MECOM: variants seen among roughly 807,000 people sequenced by gnomAD.
MECOM encodes MDS1 and EVI1 complex locus.
In MECOM, 13 loss-of-function variants were observed where a neutral mutation model predicts 116.3. That is an observed-to-expected ratio of 0.11 (90% CI 0.07 to 0.18). The LOEUF (loss-of-function observed/expected upper bound fraction) is 0.18, where lower values mean the gene tolerates loss of function less well. Among genes scored for constraint, MECOM ranks in the 10% least tolerant of loss-of-function variants. The pLI is 1.00. For synonymous variants in MECOM, 528 were observed against 535.2 expected, an observed-to-expected ratio of 0.99 and a Z score of 0.19; for missense variants, 1,299 against 1,509.0, an observed-to-expected ratio of 0.86 and a Z score of 2.31.
chr3:169,619,259 T>C (rs967335336), intron 1 of MECOM, among the ~76,000 whole-genome samples: 1 of 152,204 alleles, frequency 6.6e-6, no homozygotes, highest in African/African-American at 2.4e-5. Context: ...AGTGCCGCTG[T>C]GCTGAGAAGG....
intron 1 of MECOM, among the ~76,000 whole-genome samples, chr3:169,583,854 C>G (rs1447948442): frequency 1.3e-5 from 2 of 151,658 alleles, no homozygotes; most frequent in Non-Finnish European, 2.9e-5. Flanking sequence ...ATTCTCCTGC[C>G]TTGGCTTCCC....
chr3:169,262,589 T>C (rs1757697238), intron 2 of MECOM, among the ~76,000 whole-genome samples: 1 of 152,160 alleles, frequency 6.6e-6, no homozygotes, highest in African/African-American at 2.4e-5. Flanking sequence ...CTTTAGAGTC[T>C]GTGATTCTTC....
chr3:169,147,735 C>A, intron 2 of MECOM: 2 of 739,388 alleles, frequency 2.7e-6, no homozygotes, highest in South Asian at 1.2e-4. Context: ...TGTGTGTGTG[C>A]GCGCGAGTGT....
chr3:169,477,103 GTGTATATATATA>G (rs749799776), intron 1 of MECOM: 137 of 56,252 alleles, frequency 2.4e-3, no homozygotes, highest in Non-Finnish European at 3.1e-3. Flanking sequence ...GTGTGTGTGT[GTGTATATATATA>G]TATATATATA....
chr3:169,433,639 GAGAAAGAAAGAAAGAA>G lies in MECOM; in HGVS notation c.38-52131_38-52116del, dbSNP rs748166969. ...GAAGGAGAAAAGAAAGAAAGAGAAA[GAGAAAGAAAGAAAGAA>G]AGAAAGAAAGAAAGAAAGAAAGAAA... On this transcript the variant is annotated intron_variant, in intron 1 of 16. Transcript: ENST00000651503. Among the ~76,000 whole-genome samples the G allele has an allele frequency of 8.9e-3, 1,127 of 127,042 alleles. 12 individuals carry two copies. The highest frequency in any genetic ancestry group is 0.018 in the Admixed American group (219 of 12,452). The allele number at this position is 127,042 out of a possible 152,430, so 83.3% of individuals were successfully genotyped here.
chr3:169,587,332 T>A (rs1395867540), intron 1 of MECOM, among the ~76,000 whole-genome samples: 7 of 152,106 alleles, frequency 4.6e-5, no homozygotes, highest in Non-Finnish European at 1.0e-4. Flanking sequence ...ACAATGAGTT[T>A]TAAGAGAACA....
At chr3:169,137,817 C>G (rs537718923) in intron 3 of MECOM, among the ~76,000 whole-genome samples, 1 of 152,002 alleles carries the variant, frequency 6.6e-6, no homozygotes, top group Non-Finnish European at 1.5e-5. Context: ...TGCATAAATA[C>G]GGCAATTGAT....
intron 1 of MECOM, among the ~76,000 whole-genome samples, chr3:169,530,198 G>T (rs951241983): frequency 1.3e-5 from 2 of 152,212 alleles, no homozygotes; most frequent in Non-Finnish European, 2.9e-5. Context: ...ACATAAGGCT[G>T]AGCAGAGGTT....
At chr3:169,189,232 T>C (rs1747190047) in intron 2 of MECOM, among the ~76,000 whole-genome samples, 1 of 151,822 alleles carries the variant, frequency 6.6e-6, no homozygotes, top group Non-Finnish European at 1.5e-5. Context: ...ACCTAAAGAG[T>C]GAAAAATGAA....
At chr3:169,365,273 C>A (rs1405201785) in intron 2 of MECOM, among the ~76,000 whole-genome samples, 1 of 152,004 alleles carries the variant, frequency 6.6e-6, no homozygotes, top group Non-Finnish European at 1.5e-5. Flanking sequence ...AATAGCATTG[C>A]AAAAGGATAA....
At chr3:169,177,688 G>A (rs749391104) in intron 2 of MECOM, among the ~76,000 whole-genome samples, 29 of 152,096 alleles carry the variant, frequency 1.9e-4, no homozygotes, top group South Asian at 4.1e-4. Context: ...AAGCCAAGGC[G>A]GGCAGATTAC....
In MECOM at chr3:169,337,456, AT is replaced by A. The variant is rs551769419; in HGVS notation, c.375+43730del. Among the ~76,000 whole-genome samples, 401 of 152,296 alleles carry A rather than the reference AT, an allele frequency of 2.6e-3. 1 individual carries two copies. The highest frequency in any genetic ancestry group is 9.1e-3 in the African/African-American group (377 of 41,560). On this transcript the variant is annotated intron_variant, in intron 2 of 16. Coordinates refer to ENST00000651503, the MANE Select transcript of MECOM (RefSeq NM_004991.4). ...CAGTTTCAAGAACACATTTGCTGTT[AT>A]TAATACCAACCTCCATCTTTTTAAC...
At chr3:169,296,186 C>CGGAA (rs1715563579) in intron 2 of MECOM, among the ~76,000 whole-genome samples, 1 of 152,164 alleles carries the variant, frequency 6.6e-6, no homozygotes, top group African/African-American at 2.4e-5. Flanking sequence ...CTTGCTTTCC[C>CGGAA]CCTCCAGCTA....
intron 1 of MECOM, among the ~76,000 whole-genome samples, chr3:169,473,567 G>A (rs1252906446): frequency 5.3e-5 from 8 of 152,202 alleles, no homozygotes; most frequent in East Asian, 1.9e-4. Context: ...TCAGGAGATC[G>A]AGACAATCCT....
chr3:169,417,638 G>A (rs1183391666), intron 1 of MECOM, among the ~76,000 whole-genome samples: 2 of 151,442 alleles, frequency 1.3e-5, no homozygotes, highest in African/African-American at 4.9e-5. Context: ...AAATCATGCT[G>A]CTATAAAGAC....
intron 1 of MECOM, among the ~76,000 whole-genome samples, chr3:169,626,910 A>G (rs1435776862): frequency 6.6e-6 from 1 of 150,870 alleles, no homozygotes; most frequent in Non-Finnish European, 1.5e-5. Flanking sequence ...AGTTCTTAAT[A>G]TGTCTCCATA....
intron 2 of MECOM, among the ~76,000 whole-genome samples, chr3:169,333,653 TTA>T (rs1254545188): frequency 1.3e-5 from 2 of 152,168 alleles, no homozygotes; most frequent in Non-Finnish European, 2.9e-5. Flanking sequence ...TTGTTTTATA[TTA>T]TGATAATATA....
intron 1 of MECOM, among the ~76,000 whole-genome samples, chr3:169,622,513 T>G (rs1196434890): frequency 6.6e-6 from 1 of 152,246 alleles, no homozygotes; most frequent in African/African-American, 2.4e-5. Flanking sequence ...GAGAATATTT[T>G]CAGAGTGAGC....
intron 2 of MECOM, among the ~76,000 whole-genome samples, chr3:169,151,790 T>C (rs1677770905): frequency 6.6e-6 from 1 of 152,192 alleles, no homozygotes; most frequent in African/African-American, 2.4e-5. Flanking sequence ...TAAGAAATAA[T>C]GTAAGTATGT....
Sources: allele counts gnomAD v4.1 joint callset (sites outside exome capture counted in the v4.1 genomes callset), GRCh38; gene constraint gnomAD v4.1.1; transcripts MANE v1.5; gene names NCBI Gene and HGNC (gene_info 2026-07-23, HGNC 2026-07-21).